Variants in GLCCI1 observed in about 807,000 individuals in gnomAD.
The protein encoded by GLCCI1 is glucocorticoid-induced transcript 1 protein.
Under a neutral mutation model 52.2 loss-of-function variants are expected in GLCCI1, and 24 were observed. That is an observed-to-expected ratio of 0.46 (90% confidence interval 0.33 to 0.65). GLCCI1 has a LOEUF of 0.65. GLCCI1 is among the 30% of genes least tolerant of loss of function. The pLI is 0.02. For synonymous variants in GLCCI1, 310 were observed against 276.5 expected (o/e 1.12, Z -1.20); for missense variants, 704 against 701.5 (o/e 1.00, Z -0.04).
chr7:8,026,569 C>T (rs1781625879), intron 3 of GLCCI1, among the ~76,000 whole-genome samples: 1 of 152,258 alleles, frequency 6.6e-6, no homozygotes, highest in African/African-American at 2.4e-5. Context: ...GTTACCCCTC[C>T]ATTCCCTGGC....
intron 2 of GLCCI1, among the ~76,000 whole-genome samples, chr7:8,012,027 G>A (rs532035755): frequency 2.9e-3 from 442 of 152,102 alleles, no homozygotes; most frequent in Non-Finnish European, 5.4e-3. Flanking sequence ...GTGTTAGCCA[G>A]GATGGTCTCA....
chr7:8,003,795 T>C (rs577400253), intron 1 of GLCCI1, 113 bp from the exon 2 acceptor site: 1 of 875,340 alleles, frequency 1.1e-6, no homozygotes, highest in South Asian at 1.8e-5. Context: ...TTAGTGTAAA[T>C]ATATATATCA....
Position 8,022,563 on chromosome 7 carries a change from A to T in GLCCI1, c.690A>T (p.Leu230=). 1 of 1,561,500 alleles carries T rather than the reference A, an allele frequency of 6.4e-7. No individual in the cohort carries two copies. The highest frequency in any genetic ancestry group is 8.7e-7 in the Non-Finnish European group (1 of 1,152,234). Residue 230 remains leucine (L), a synonymous_variant, in exon 3 of 8, where the codon CTA becomes CTT. Coordinates refer to ENST00000223145, the MANE Select transcript of GLCCI1 (RefSeq NM_138426.4). ...RSASWGSADQ[L]KEQIAKLRQQ... Reference sequence around the variant, plus strand: ...CGTCATGGGGGAGTGCTGATCAACTAAAAGAGGTAAGTTATTTCTGTTTTC... The same window carrying T: ...CGTCATGGGGGAGTGCTGATCAACTTAAAGAGGTAAGTTATTTCTGTTTTC...
chr7:8,027,695 A>G (rs1278495948), intron 3 of GLCCI1, among the ~76,000 whole-genome samples: 2 of 152,128 alleles, frequency 1.3e-5, no homozygotes, highest in South Asian at 2.1e-4. Context: ...AAAAAAAAAA[A>G]AGAGACCCAA....
rs182446048 is a variant in GLCCI1 at position 8,051,900 on chromosome 7, C to A, written c.697-3533C>A. 4.6e-5 allele frequency among the ~76,000 whole-genome samples: 7 copies of A among 152,128 alleles called. No individual in the cohort carries two copies. In the East Asian group the frequency reaches 1.4e-3, roughly 29 times the overall value. ...ATATATGTGTTGTAAATATATTTTC[C>A]CAGTTTATGATGTGCCTTTTTATTC... On this transcript the variant is annotated intron_variant, in intron 3 of 7. Transcript: ENST00000223145.
intron 2 of GLCCI1, 107 bp downstream of exon 2, chr7:8,004,166 C>A: frequency 3.9e-6 from 4 of 1,020,068 alleles, no homozygotes; most frequent in Non-Finnish European, 5.6e-6. Context: ...GAAATACATC[C>A]AACCAAGGAA....
intron 1 of GLCCI1, among the ~76,000 whole-genome samples, chr7:7,989,587 T>C (rs1780800886): frequency 6.6e-6 from 1 of 152,146 alleles, no homozygotes; most frequent in African/African-American, 2.4e-5. Context: ...CCCAAAAGTC[T>C]GCTTTGGTAA....
intron 2 of GLCCI1, among the ~76,000 whole-genome samples, chr7:8,011,178 T>C (rs935638599): frequency 1.3e-5 from 2 of 152,222 alleles, no homozygotes; most frequent in African/African-American, 4.8e-5. Flanking sequence ...AACCATTTTT[T>C]AAATGTACAG....
At chr7:7,992,558 T>C (rs1234633045) in intron 1 of GLCCI1, among the ~76,000 whole-genome samples, 1 of 152,106 alleles carries the variant, frequency 6.6e-6, no homozygotes, top group African/African-American at 2.4e-5. Context: ...ATTTGATATG[T>C]TGATTATTTT....
chr7:8,023,154 T>C (rs1436082418), intron 3 of GLCCI1, among the ~76,000 whole-genome samples: 2 of 152,082 alleles, frequency 1.3e-5, no homozygotes, highest in African/African-American at 4.8e-5. Context: ...TAGCTGGGAG[T>C]ACAGGCACCC....
At chr7:8,069,121 G>C (rs548270044) in intron 5 of GLCCI1, among the ~76,000 whole-genome samples, 87 of 152,254 alleles carry the variant, frequency 5.7e-4, no homozygotes, top group African/African-American at 2.0e-3. Flanking sequence ...CCTGGGGTGA[G>C]CTAAGGCTTT....
chr7:8,086,005 C>T lies in GLCCI1; in HGVS notation c.1299-188C>T, dbSNP rs1215746030. On this transcript the variant is annotated intron_variant, in intron 7 of 7. Transcript: ENST00000223145. The surrounding 1 kb of genome is among the most constrained non-coding windows in gnomAD (Gnocchi z 4.4). ...AATCCTTTTGTCTCAAATACCACTT[C>T]AGTGCTGTGTGCATGAATAGTCTGC... 2.0e-5 allele frequency among the ~76,000 whole-genome samples: 3 copies of T among 152,198 alleles called. No homozygotes were observed. Among genetic ancestry groups the T allele is most frequent in the African/African-American group, 7.2e-5 (3 of 41,446 alleles).
intron 3 of GLCCI1, among the ~76,000 whole-genome samples, chr7:8,032,791 C>T (rs1474354470): frequency 6.6e-6 from 1 of 151,418 alleles, no homozygotes; most frequent in Non-Finnish European, 1.5e-5. Context: ...GAGACTATCC[C>T]GGGGTCACAT....
intron 6 of GLCCI1, among the ~76,000 whole-genome samples, chr7:8,073,853 A>T (rs528792993): frequency 6.6e-6 from 1 of 152,342 alleles, no homozygotes; most frequent in East Asian, 1.9e-4. Context: ...TACCATATTT[A>T]GCTGAGAGGC....
chr7:8,066,780 A>G (rs1373453896), intron 5 of GLCCI1, among the ~76,000 whole-genome samples: 2 of 151,848 alleles, frequency 1.3e-5, no homozygotes, highest in African/African-American at 2.4e-5. Flanking sequence ...TTGAATTTGT[A>G]GAGGATTGTT....
At chr7:8,061,399 C>CCATTAAAGTG (rs1185077095) in intron 5 of GLCCI1, among the ~76,000 whole-genome samples, 1 of 151,980 alleles carries the variant, frequency 6.6e-6, no homozygotes, top group African/African-American at 2.4e-5. Flanking sequence ...TGCACCCAGC[C>CCATTAAAGTG]TTTAGTGGTC....
intron 1 of GLCCI1, among the ~76,000 whole-genome samples, chr7:7,983,894 G>A (rs1780671323): frequency 6.6e-6 from 1 of 152,156 alleles, no homozygotes; most frequent in South Asian, 2.1e-4. Flanking sequence ...AAAAGGAGCT[G>A]GGTGCTCTTG....
At chr7:8,019,709 A>T (rs542740866) in intron 2 of GLCCI1, among the ~76,000 whole-genome samples, 26 of 152,206 alleles carry the variant, frequency 1.7e-4, no homozygotes, top group Non-Finnish European at 2.9e-4. Context: ...TAGGCTACAA[A>T]ACTGTACAGC....
At chr7:8,066,828 C>T (rs1247258318) in intron 5 of GLCCI1, among the ~76,000 whole-genome samples, 1 of 151,676 alleles carries the variant, frequency 6.6e-6, no homozygotes, top group Non-Finnish European at 1.5e-5. Flanking sequence ...TATTATGTGC[C>T]ATGTGGTAAT....
Sources: gnomAD v4.1 joint callset for allele counts (sites outside exome capture counted in the v4.1 genomes callset) on GRCh38, gnomAD v4.1.1 for gene constraint, Gnocchi (gnomAD v3.1) non-coding constraint, MANE v1.5 for transcripts, NCBI Gene and HGNC (gene_info 2026-07-23, HGNC 2026-07-21) for gene names.